The following BRCA1 variants were observed in gnomAD, a reference collection of about 807,000 sequenced individuals.
BRCA1 encodes BRCA1 DNA repair associated, also known as breast cancer type 1 susceptibility protein.
In BRCA1, 140 loss-of-function variants were observed where a neutral mutation model predicts 173.7. The observed-to-expected ratio is 0.81, with a 90% CI of 0.70 to 0.93. The LOEUF (loss-of-function observed/expected upper bound fraction) is 0.93, where lower values mean the gene tolerates loss of function less well. BRCA1 is among the 40% of genes least tolerant of loss of function. The pLI is 0.00. For missense variants in BRCA1, 1,983 were observed against 2,172.5 expected (o/e 0.91, Z 1.73); for synonymous variants, 662 against 756.0 (o/e 0.88, Z 2.04).
chr17:43,081,056 G>GA lies in BRCA1; in HGVS notation c.4357+1347dup, dbSNP rs577611867. ...TAAGCATTTCAGTTACAGATCTCCA[G>GA]AAAAAAATAAACACACGTATATACC... On this transcript the variant is annotated intron_variant, in intron 12 of 22. Transcript: ENST00000357654. Among the ~76,000 whole-genome samples the GA allele has an allele frequency of 2.0e-5, 3 of 152,108 alleles. No individual in the cohort carries two copies. In the South Asian group the frequency reaches 6.2e-4, roughly 32 times the overall value.
chr17:43,127,435 C>T (rs2055919097), upstream of BRCA1, among the ~76,000 whole-genome samples: 1 of 152,150 alleles, frequency 6.6e-6, no homozygotes, highest in African/African-American at 2.4e-5. Context: ...TGTAAATGCA[C>T]CAATCAGTGC....
rs1555590478 is a variant in BRCA1 at position 43,093,438 on chromosome 17, G to A, written c.2093C>T (p.Pro698Leu). The A allele has an allele frequency of 4.3e-6, 7 of 1,613,978 alleles. No individual in the cohort carries two copies. Among genetic ancestry groups the A allele is most frequent in the Non-Finnish European group, 5.1e-6 (6 of 1,179,948 alleles). Residue 698 changes from proline (P) to leucine (L), a missense_variant, in exon 10 of 23, where the codon CCA (proline) becomes CTA (leucine). Pro to Leu is a moderately conservative substitution (Grantham distance 98). Transcript: ENST00000357654. The stretch of plus-strand genomic sequence containing the variant: ...AGGTGCATTTGTTAACTTCAGCTCT[G>A]GGAAAGTATCGCTGTCATGTCTTTT... ...TSKRHDSDTF[P>L]ELKLTNAPGS...
chr17:43,133,908 T>C (rs1480507757), intron 1 of BRCA1, among the ~76,000 whole-genome samples: 1 of 152,184 alleles, frequency 6.6e-6, no homozygotes, highest in East Asian at 1.9e-4. Context: ...GTGCTAGGAT[T>C]ACAGGCGTGA....
In BRCA1 at chr17:43,074,318, G is replaced by C. The variant is rs2153986057; in HGVS notation, c.4675+13C>G. ...TCAAAGTGTTTGTTCCAATACAGCA[G>C]ATGAAATATTACCTAGATCTTGCCT... On this transcript the variant is annotated intron_variant, in intron 14 of 22. Coordinates refer to ENST00000357654, the MANE Select transcript of BRCA1 (RefSeq NM_007294.4). The C allele has an allele frequency of 6.2e-7, 1 of 1,613,698 alleles. No homozygotes were observed. The highest frequency in any genetic ancestry group is 1.7e-5 in the Admixed American group (1 of 60,016).
At chr17:43,104,332 A>G (rs1483725959) in intron 5 of BRCA1, 71 bp from the exon 6 acceptor site, 7 of 1,498,180 alleles carry the variant, frequency 4.7e-6, no homozygotes, top group Non-Finnish European at 6.4e-6. Flanking sequence ...CAAAGAAACC[A>G]AGAGAAACCC....
chr17:43,077,468 T>A (rs1197599545), intron 12 of BRCA1, among the ~76,000 whole-genome samples: 33 of 151,976 alleles, frequency 2.2e-4, no homozygotes, highest in Admixed American at 2.2e-3. Flanking sequence ...GTAGCTGACA[T>A]TACAGGTGCC....
chr17:43,135,563 T>C (rs2056012898), intron 1 of BRCA1, among the ~76,000 whole-genome samples: 1 of 152,226 alleles, frequency 6.6e-6, no homozygotes. Flanking sequence ...GGCTGTAGCC[T>C]TCATCCGCGT....
intron 1 of BRCA1, among the ~76,000 whole-genome samples, chr17:43,143,457 T>A (rs1567830929): frequency 2.0e-5 from 3 of 152,164 alleles, no homozygotes; most frequent in Non-Finnish European, 4.4e-5. Context: ...TGCTTCCCAG[T>A]CACACTGCTC....
chr17:43,105,162 A>G (rs2054708073), intron 4 of BRCA1, among the ~76,000 whole-genome samples: 1 of 152,216 alleles, frequency 6.6e-6, no homozygotes, highest in African/African-American at 2.4e-5. Context: ...AGCCTACCAA[A>G]TGCCTAAAAT....
chr17:43,091,148 A>T (rs2154261377), intron 10 of BRCA1, 116 bp from the exon 11 acceptor site: 1 of 1,083,534 alleles, frequency 9.2e-7, no homozygotes, highest in Non-Finnish European at 1.4e-6. Flanking sequence ...ACACAAAATG[A>T]TTAAATTCCT....
At chr17:43,111,128 T>G (rs1304031676) in intron 3 of BRCA1, among the ~76,000 whole-genome samples, 2 of 151,696 alleles carry the variant, frequency 1.3e-5, no homozygotes, top group Non-Finnish European at 1.5e-5. Flanking sequence ...TATTACACAT[T>G]GCATTTTTTT....
intron 3 of BRCA1, among the ~76,000 whole-genome samples, chr17:43,111,208 T>C (rs1217853195): frequency 6.6e-6 from 1 of 152,126 alleles, no homozygotes; most frequent in South Asian, 2.1e-4. Flanking sequence ...ATTATCTTTT[T>C]TTATAGGCTT....
chr17:43,096,525 T>C (rs1220519900), intron 8 of BRCA1, among the ~76,000 whole-genome samples: 1 of 142,322 alleles, frequency 7.0e-6, no homozygotes, highest in African/African-American at 2.7e-5. Context: ...TGAGCCGAGA[T>C]GGCGCCACTA....
In BRCA1 at chr17:43,093,766, T is replaced by C. The variant is rs2154424891; in HGVS notation, c.1765A>G (p.Ser589Gly). The C allele has an allele frequency of 2.5e-6, 4 of 1,613,988 alleles. No individual in the cohort carries two copies. The highest frequency in any genetic ancestry group is 3.4e-6 in the Non-Finnish European group (4 of 1,179,986). Reference sequence around the variant, plus strand: ...TCGAGTTCCATATTGCTTATACTGCTGCTTATAGGTTCAGCTTTCGTTTTG... The same window carrying C: ...TCGAGTTCCATATTGCTTATACTGCCGCTTATAGGTTCAGCTTTCGTTTTG... ...AFKTKAEPIS[S>G]SISNMELELN... is the part of the protein sequence containing the mutation. The change falls in exon 10 of 23, where the codon AGC becomes GGC. Residue 589 changes from serine to glycine, a missense_variant. Transcript: ENST00000357654.
intron 1 of BRCA1, among the ~76,000 whole-genome samples, chr17:43,141,410 G>T (rs1226901913): frequency 1.3e-5 from 2 of 152,076 alleles, no homozygotes; most frequent in Non-Finnish European, 2.9e-5. Flanking sequence ...GCTTGAGGCT[G>T]CAGTGAGCTA....
rs1555593633 is a variant in BRCA1 at position 43,095,934 on chromosome 17, A to T, written c.594-12T>A. On this transcript the variant is annotated splice_polypyrimidine_tract_variant and intron_variant, in intron 8 of 22. Coordinates refer to ENST00000357654, the MANE Select transcript of BRCA1 (RefSeq NM_007294.4). Reference sequence around the variant, plus strand: ...CTTGATCTCCCACACTATAGGGAAAAGACAGAGTCCTAATAAGAAACACTA... The same window carrying T: ...CTTGATCTCCCACACTATAGGGAAATGACAGAGTCCTAATAAGAAACACTA... The T allele has an allele frequency of 6.2e-7, 1 of 1,601,470 alleles. No individual in the cohort carries two copies. Among genetic ancestry groups the T allele is most frequent in the Non-Finnish European group, 8.6e-7 (1 of 1,169,114 alleles).
At chr17:43,114,390 C>CTTTT (rs35851659) in intron 3 of BRCA1, among the ~76,000 whole-genome samples, 2 of 138,896 alleles carry the variant, frequency 1.4e-5, no homozygotes, top group African/African-American at 2.7e-5. Flanking sequence ...AATACTGGGA[C>CTTTT]TTTTTTTTTT....
intron 19 of BRCA1, among the ~76,000 whole-genome samples, chr17:43,056,301 G>A (rs2051456305): frequency 6.6e-6 from 1 of 151,752 alleles, no homozygotes; most frequent in East Asian, 1.9e-4. Context: ...AGCCTTCCGA[G>A]TAGCTGGAAC....
Position 43,082,571 on chromosome 17 carries a change from C to T in BRCA1, c.4190G>A (p.Arg1397Lys), listed in dbSNP as rs767421571. 3 of 1,614,028 alleles carry T rather than the reference C, an allele frequency of 1.9e-6. No individual in the cohort carries two copies. Among genetic ancestry groups the T allele is most frequent in the Non-Finnish European group, 1.7e-6 (2 of 1,179,998 alleles). Residue 1397 changes from arginine (R) to lysine (K), a missense_variant, in exon 12 of 23, where the codon AGG becomes AAG. Arg to Lys is a conservative substitution (Grantham distance 26, BLOSUM62 2). Transcript: ENST00000357654. ...TATCAGGTTATGTTGCATGGTATCC[C>T]TCTGCTTCAAAAACGATAAATGGCA... ...SQSDILTTQQ[R>K]DTMQHNLIKL... is the part of the protein sequence containing the mutation.
Sources: allele counts gnomAD v4.1 joint callset (sites outside exome capture counted in the v4.1 genomes callset), GRCh38; gene constraint gnomAD v4.1.1; transcripts MANE v1.5; gene names NCBI Gene and HGNC (gene_info 2026-07-23, HGNC 2026-07-21).